Variants in COL10A1 observed in about 807,000 individuals in gnomAD.
The protein encoded by COL10A1 is collagen alpha-1(X) chain.
A neutral mutation model predicts 18.2 loss-of-function variants in COL10A1; 10 were observed. That is an observed-to-expected ratio of 0.55 (90% CI 0.34 to 0.93). The LOEUF (loss-of-function observed/expected upper bound fraction) is 0.93, where lower values mean the gene tolerates loss of function less well. Ranked by LOEUF, COL10A1 falls within the 40% of genes least tolerant of loss-of-function variation. COL10A1 has a pLI of 0.02. For missense variants in COL10A1, 897 were observed against 853.5 expected (o/e 1.05, Z -0.64); for synonymous variants, 330 against 316.6 (o/e 1.04, Z -0.45).
chr6:116,177,559 A>C, the COL10A1 span, among the ~76,000 whole-genome samples: 1 of 152,200 alleles, frequency 6.6e-6, no homozygotes, highest in East Asian at 1.9e-4. Context: ...ATAAAATTAC[A>C]TGATAAAATG....
rs942721976 is a variant in COL10A1 at position 116,119,406 on chromosome 6, G to A, written c.*667C>T. ...CTGCAATCATAGAAAAGTTTGAAAAGGTTCATTGATGAAAGCACCTTGCAT... is the reference window on the plus strand; with the variant it reads ...CTGCAATCATAGAAAAGTTTGAAAAAGTTCATTGATGAAAGCACCTTGCAT... On this transcript the variant is annotated 3_prime_UTR_variant, in exon 3 of 3. Coordinates refer to ENST00000651968, the MANE Select transcript of COL10A1 (RefSeq NM_000493.4). 6.6e-6 allele frequency: 1 copy of A among 152,396 alleles called. No individual in the cohort carries two copies. The highest frequency in any genetic ancestry group is 2.4e-5 in the African/African-American group (1 of 41,442). The allele number at this position is 152,396 out of a possible 1,614,324, so 9.4% of individuals were successfully genotyped here.
chr6:116,196,271 A>T, the COL10A1 span, among the ~76,000 whole-genome samples: 2 of 152,034 alleles, frequency 1.3e-5, no homozygotes, highest in Non-Finnish European at 2.9e-5. Flanking sequence ...TATATTTTCC[A>T]TATCACATTT....
chr6:116,209,616 C>T, the COL10A1 span, among the ~76,000 whole-genome samples: 1 of 151,802 alleles, frequency 6.6e-6, no homozygotes, highest in African/African-American at 2.4e-5. Flanking sequence ...CCAAGGTTCA[C>T]CAGGCAGCAG....
intron 1 of COL10A1, among the ~76,000 whole-genome samples, chr6:116,136,266 T>C (rs904487983): frequency 2.0e-5 from 3 of 152,108 alleles, no homozygotes; most frequent in Non-Finnish European, 4.4e-5. Context: ...AATAGCAGGA[T>C]TTTCTTCTTT....
At chr6:116,183,220 T>G in the COL10A1 span, among the ~76,000 whole-genome samples, 1 of 152,150 alleles carries the variant, frequency 6.6e-6, no homozygotes, top group East Asian at 1.9e-4. Flanking sequence ...TCTATTCTGT[T>G]CCATTGGTCT....
the COL10A1 span, among the ~76,000 whole-genome samples, chr6:116,182,222 AGTGTGTGTGT>A: frequency 1.5e-4 from 19 of 124,688 alleles, no homozygotes; most frequent in African/African-American, 4.4e-4. Flanking sequence ...TTCCATGGAG[AGTGTGTGTGT>A]GTGTGTGTGT....
intron 1 of COL10A1, among the ~76,000 whole-genome samples, chr6:116,138,972 A>G (rs753611894): frequency 6.6e-6 from 1 of 152,184 alleles, no homozygotes; most frequent in Non-Finnish European, 1.5e-5. Flanking sequence ...TAGGATTTGT[A>G]TAATTGCAGC....
the COL10A1 span, among the ~76,000 whole-genome samples, chr6:116,176,850 G>A: frequency 1.3e-5 from 2 of 152,104 alleles, no homozygotes; most frequent in African/African-American, 4.8e-5. Context: ...CTCTTGCCTG[G>A]CTGACTGTCC....
the COL10A1 span, among the ~76,000 whole-genome samples, chr6:116,176,238 A>C: frequency 2.6e-5 from 4 of 152,168 alleles, no homozygotes; most frequent in Admixed American, 2.6e-4. Context: ...CCTCAGGATT[A>C]CTGCTCCAGC....
chr6:116,143,146 C>G (rs1050671161), intron 1 of COL10A1, among the ~76,000 whole-genome samples: 1 of 152,070 alleles, frequency 6.6e-6, no homozygotes, highest in African/African-American at 2.4e-5. Context: ...TAGATAAACA[C>G]TAAAGGAATT....
chr6:116,194,210 A>C, the COL10A1 span, among the ~76,000 whole-genome samples: 2 of 152,082 alleles, frequency 1.3e-5, no homozygotes, highest in Non-Finnish European at 2.9e-5. Context: ...AGAAAAGGAA[A>C]TCTATTTGAT....
At chr6:116,206,609 C>G in the COL10A1 span, among the ~76,000 whole-genome samples, 2 of 152,018 alleles carry the variant, frequency 1.3e-5, no homozygotes, top group Non-Finnish European at 1.5e-5. Context: ...TCAACAGCAA[C>G]AGCTGTTTCT....
At chr6:116,182,376 A>G in the COL10A1 span, among the ~76,000 whole-genome samples, 1 of 151,892 alleles carries the variant, frequency 6.6e-6, no homozygotes, top group Non-Finnish European at 1.5e-5. Flanking sequence ...TTGTATAATG[A>G]CTTCTTTTCC....
the COL10A1 span, among the ~76,000 whole-genome samples, chr6:116,188,444 T>C: frequency 6.6e-6 from 1 of 152,016 alleles, no homozygotes; most frequent in African/African-American, 2.4e-5. Flanking sequence ...TGTCATACAG[T>C]GACATTCTAT....
the COL10A1 span, among the ~76,000 whole-genome samples, chr6:116,204,038 A>C: frequency 6.6e-6 from 1 of 151,890 alleles, no homozygotes; most frequent in Admixed American, 6.6e-5. Flanking sequence ...AAACCCTCGA[A>C]GGCTGTGGCC....
At chr6:116,154,279 G>GTA (rs1363239293) in intron 1 of COL10A1, among the ~76,000 whole-genome samples, 1 of 152,082 alleles carries the variant, frequency 6.6e-6, no homozygotes, top group Admixed American at 6.6e-5. Flanking sequence ...CATCAACATA[G>GTA]CTGGAGTAGG....
the COL10A1 span, among the ~76,000 whole-genome samples, chr6:116,208,463 T>G: frequency 6.6e-6 from 1 of 152,058 alleles, no homozygotes; most frequent in East Asian, 1.9e-4. Context: ...AGGTTTTACC[T>G]GGAGGCATCT....
chr6:116,142,014 C>CA lies in COL10A1; in HGVS notation c.-15-16508dup, dbSNP rs1441428118. ...TGACAAAGTTACTTAGATGAAAACT[C>CA]AAAAAAAAGATTTGTTACTTCTGAG... On this transcript the variant is annotated intron_variant, in intron 1 of 1. Transcript: ENST00000418500. 5.3e-5 allele frequency among the ~76,000 whole-genome samples: 8 copies of CA among 150,202 alleles called. 1 individual carries two copies. The Middle Eastern group carries it at 9.6e-3, about 179-fold the overall frequency.
chr6:116,171,559 T>C, the COL10A1 span, among the ~76,000 whole-genome samples: 1 of 152,190 alleles, frequency 6.6e-6, no homozygotes, highest in African/African-American at 2.4e-5. Flanking sequence ...GCCTACCTTT[T>C]TGGGGGGACT....
Sources: gnomAD v4.1 joint callset for allele counts (sites outside exome capture counted in the v4.1 genomes callset) on GRCh38, gnomAD v4.1.1 for gene constraint, MANE v1.5 for transcripts, NCBI Gene and HGNC (gene_info 2026-07-23, HGNC 2026-07-21) for gene names.